Variants in ANO4 observed in about 807,000 individuals in gnomAD.
ANO4 encodes the protein anoctamin-4.
Under a neutral mutation model 141.9 loss-of-function variants are expected in ANO4, and 69 were observed. The ratio of observed to expected loss-of-function variants is 0.49; its 90% CI spans 0.40 to 0.59. The LOEUF is 0.59. Ranked by LOEUF, ANO4 falls within the 20% of genes least tolerant of loss-of-function variation. The pLI is 0.00. For synonymous variants in ANO4, 350 were observed against 394.3 expected (o/e 0.89, Z 1.33); for missense variants, 894 against 1,162.2 (o/e 0.77, Z 3.36).
intron 14 of ANO4, among the ~76,000 whole-genome samples, chr12:101,071,618 G>A (rs1849930): frequency 0.25 from 37,288 of 151,812 alleles, 4,932 homozygotes; most frequent in East Asian, 0.56. Flanking sequence ...TGAATAAGAC[G>A]TAGTACTTGA....
In ANO4 at chr12:100,794,787, G is replaced by A. The variant is rs532329791; in HGVS notation, c.-381G>A. ...AAATCCACCAGGCTGCTTTCACTCC[G>A]GCTCGCTCTCCGGAGAGTCCTGTTC... On this transcript the variant is annotated 5_prime_UTR_variant, in exon 1 of 28. Coordinates refer to ENST00000392977, the MANE Select transcript of ANO4 (RefSeq NM_001286615.2). The A allele has an allele frequency of 1.3e-5, 2 of 152,166 alleles. No individual in the cohort carries two copies. Among genetic ancestry groups the A allele is most frequent in the Non-Finnish European group, 2.9e-5 (2 of 68,082 alleles). 9.4% of individuals were successfully genotyped at this position (152,166 alleles called of 1,614,324 possible).
chr12:100,978,854 T>G (rs2044322471), intron 7 of ANO4, among the ~76,000 whole-genome samples: 1 of 152,146 alleles, frequency 6.6e-6, no homozygotes, highest in Admixed American at 6.5e-5. Flanking sequence ...TTTTTAAAAT[T>G]GATTCTGTAT....
chr12:100,724,761 C>T (rs1275615757), intron 1 of ANO4, among the ~76,000 whole-genome samples: 1 of 152,090 alleles, frequency 6.6e-6, no homozygotes, highest in Non-Finnish European at 1.5e-5. Flanking sequence ...AGTCCAGGCC[C>T]AGGGAGGTTA....
At chr12:100,812,423 A>C (rs1279957094) in intron 1 of ANO4, among the ~76,000 whole-genome samples, 1 of 152,148 alleles carries the variant, frequency 6.6e-6, no homozygotes, top group Non-Finnish European at 1.5e-5. Context: ...CTGGATGTAG[A>C]GGCAGCATGA....
chr12:101,022,668 C>A (rs1344618078), intron 9 of ANO4, among the ~76,000 whole-genome samples: 2 of 152,166 alleles, frequency 1.3e-5, no homozygotes, highest in South Asian at 2.1e-4. Context: ...TTCTGAATCA[C>A]TTCATAAAAT....
At chr12:101,118,339 G>T (rs2050940033) in intron 25 of ANO4, among the ~76,000 whole-genome samples, 2 of 152,106 alleles carry the variant, frequency 1.3e-5, no homozygotes, top group Non-Finnish European at 1.5e-5. Context: ...TATCATAAAA[G>T]TATATTCCAG....
chr12:100,804,752 G>A, intron 1 of ANO4, among the ~76,000 whole-genome samples: 1 of 152,150 alleles, frequency 6.6e-6, no homozygotes, highest in South Asian at 2.1e-4. Flanking sequence ...GTCTTCTTTT[G>A]AGAAGTATCT....
chr12:100,956,882 CAGTT>C (rs1218989533), intron 5 of ANO4, among the ~76,000 whole-genome samples: 2 of 152,222 alleles, frequency 1.3e-5, no homozygotes, highest in African/African-American at 4.8e-5. Flanking sequence ...TGACAGAACA[CAGTT>C]AAGCCATCAA....
chr12:100,917,864 T>TA (rs2041418400), intron 2 of ANO4, among the ~76,000 whole-genome samples: 1 of 152,208 alleles, frequency 6.6e-6, no homozygotes, highest in Admixed American at 6.5e-5. Flanking sequence ...TTATACATTT[T>TA]AAAAAATTAC....
chr12:100,912,967 G>A (rs1158005760), intron 2 of ANO4, among the ~76,000 whole-genome samples: 1 of 152,116 alleles, frequency 6.6e-6, no homozygotes, highest in African/African-American at 2.4e-5. Context: ...TTTTTTAGAT[G>A]TGTGATGTGA....
chr12:100,909,465 T>C (rs1254187594), intron 2 of ANO4, among the ~76,000 whole-genome samples: 1 of 152,200 alleles, frequency 6.6e-6, no homozygotes, highest in African/African-American at 2.4e-5. Context: ...ATAGAGGTGA[T>C]GTTAGGAAAC....
intron 5 of ANO4, among the ~76,000 whole-genome samples, chr12:100,965,044 G>T (rs2043591533): frequency 6.6e-6 from 1 of 152,112 alleles, no homozygotes; most frequent in African/African-American, 2.4e-5. Flanking sequence ...AAGATTTGCA[G>T]AATAGATGAG....
At chr12:100,935,973 T>TAC (rs1167360055) in intron 3 of ANO4, among the ~76,000 whole-genome samples, 3 of 152,224 alleles carry the variant, frequency 2.0e-5, no homozygotes, top group Non-Finnish European at 4.4e-5. Context: ...TTATATGGTC[T>TAC]ACAGTCTTCT....
At chr12:101,080,885 A>T (rs866992542) in intron 15 of ANO4, among the ~76,000 whole-genome samples, 75 of 72,450 alleles carry the variant, frequency 1.0e-3, no homozygotes, top group Admixed American at 1.7e-3. Flanking sequence ...TATATATATT[A>T]TATATATATA....
At chr12:100,749,947 C>T (rs1593266133) in intron 3 of ANO4, among the ~76,000 whole-genome samples, 1 of 152,072 alleles carries the variant, frequency 6.6e-6, no homozygotes, top group African/African-American at 2.4e-5. Context: ...TGATATATGA[C>T]TGAATGGATG....
intron 22 of ANO4, among the ~76,000 whole-genome samples, chr12:101,101,966 C>G (rs540596687): frequency 1.2e-4 from 19 of 152,186 alleles, no homozygotes; most frequent in African/African-American, 4.6e-4. Context: ...CGTGTGTAAT[C>G]CCAGCTACTT....
intron 5 of ANO4, among the ~76,000 whole-genome samples, chr12:100,959,817 G>A (rs1425257649): frequency 2.0e-5 from 3 of 151,944 alleles, no homozygotes; most frequent in African/African-American, 7.3e-5. Flanking sequence ...CTTGATCCTG[G>A]GTCCCCTTTT....
intron 15 of ANO4, among the ~76,000 whole-genome samples, chr12:101,080,931 T>A (rs2049247622): frequency 7.5e-6 from 1 of 132,998 alleles, no homozygotes; most frequent in Non-Finnish European, 1.6e-5. Context: ...ATAAATAGAT[T>A]TTCTTCAAGT....
intron 3 of ANO4, among the ~76,000 whole-genome samples, chr12:100,936,362 A>G (rs897777652): frequency 1.2e-4 from 18 of 152,150 alleles, no homozygotes; most frequent in African/African-American, 3.9e-4. Flanking sequence ...CTACTCACTG[A>G]ATACCACTTT....
Sources: allele counts gnomAD v4.1 joint callset (sites outside exome capture counted in the v4.1 genomes callset), GRCh38; gene constraint gnomAD v4.1.1; transcripts MANE v1.5; gene names NCBI Gene and HGNC (gene_info 2026-07-23, HGNC 2026-07-21).